Variants in GMDS observed in about 807,000 individuals in gnomAD.
GMDS encodes the protein GDP-mannose 4,6 dehydratase.
Under a neutral mutation model 49.9 loss-of-function variants are expected in GMDS, and 20 were observed. That is an observed-to-expected ratio of 0.40 (90% CI 0.28 to 0.58). GMDS has a LOEUF of 0.58. Ranked by LOEUF, GMDS falls within the 20% of genes least tolerant of loss-of-function variation. The pLI, the probability that GMDS is intolerant of heterozygous loss-of-function variation, is 0.42. For missense variants in GMDS, 362 were observed against 481.4 expected (o/e 0.75, Z 2.32); for synonymous variants, 177 against 178.6 (o/e 0.99, Z 0.07).
intron 1 of GMDS, among the ~76,000 whole-genome samples, chr6:2,190,703 C>A (rs965465909): frequency 2.0e-5 from 3 of 152,230 alleles, no homozygotes; most frequent in Non-Finnish European, 2.9e-5. Context: ...TGGCACCATC[C>A]TCCACTTGGC....
At chr6:2,166,566 C>G (rs1777681084) in intron 1 of GMDS, among the ~76,000 whole-genome samples, 1 of 152,200 alleles carries the variant, frequency 6.6e-6, no homozygotes, top group African/African-American at 2.4e-5. Context: ...ATTCATACTA[C>G]TCCTCACAAT....
chr6:1,927,016 C>G (rs113410600), intron 7 of GMDS, among the ~76,000 whole-genome samples: 1 of 100,628 alleles, frequency 9.9e-6, no homozygotes, highest in Non-Finnish European at 2.3e-5. Context: ...CAGAGGGTAG[C>G]GTGTTGATGT....
chr6:2,100,715 TA>T (rs1340140637), intron 4 of GMDS, among the ~76,000 whole-genome samples: 1 of 151,892 alleles, frequency 6.6e-6, no homozygotes, highest in Non-Finnish European at 1.5e-5. Context: ...GAGCTAATGT[TA>T]AAAAAACTCA....
At chr6:1,652,399 T>A (rs1239764118) in intron 9 of GMDS, among the ~76,000 whole-genome samples, 1 of 4,970 alleles carries the variant, frequency 2.0e-4, no homozygotes, top group Non-Finnish European at 4.8e-4. Context: ...ATATTATATA[T>A]ATATATATAT....
In GMDS at chr6:2,113,679, T is replaced by A. The variant is rs150146096; in HGVS notation, c.345+2092A>T. Among the ~76,000 whole-genome samples the A allele has an allele frequency of 9.2e-5, 14 of 152,098 alleles. No homozygotes were observed. In the East Asian group the frequency reaches 2.3e-3, roughly 25 times the overall value. On this transcript the variant is annotated intron_variant, in intron 4 of 10. Transcript: ENST00000380815. ...CTATCCATCTACCCCCAGACGGAAG[T>A]TCTCTCTTACCCTCCTCTAAAGAGT... is the stretch of plus-strand genomic sequence containing the variant.
At chr6:1,772,559 G>A (rs996498341) in intron 7 of GMDS, among the ~76,000 whole-genome samples, 1 of 152,210 alleles carries the variant, frequency 6.6e-6, no homozygotes. Context: ...CAGAGATGCA[G>A]AGGTCATCCA....
chr6:1,773,397 T>C (rs1300786907), intron 7 of GMDS, among the ~76,000 whole-genome samples: 1 of 152,062 alleles, frequency 6.6e-6, no homozygotes, highest in Non-Finnish European at 1.5e-5. Context: ...TGTTTAGCGC[T>C]CAGCAATGTT....
chr6:2,060,958 T>C (rs1041143162), intron 4 of GMDS, among the ~76,000 whole-genome samples: 2 of 151,142 alleles, frequency 1.3e-5, no homozygotes, highest in Non-Finnish European at 2.9e-5. Context: ...ACATGGAGGT[T>C]GCGGTGAGCC....
intron 4 of GMDS, among the ~76,000 whole-genome samples, chr6:1,967,603 G>A (rs1042646964): frequency 1.3e-5 from 2 of 152,208 alleles, no homozygotes; most frequent in African/African-American, 2.4e-5. Context: ...AGAACTCAGA[G>A]TGCAGAAGAA....
chr6:1,770,458 A>C (rs1480108834), intron 7 of GMDS, among the ~76,000 whole-genome samples: 1 of 152,230 alleles, frequency 6.6e-6, no homozygotes, highest in African/African-American at 2.4e-5. Context: ...CGTGGAGCAC[A>C]CATAGGGTGA....
intron 4 of GMDS, among the ~76,000 whole-genome samples, chr6:2,029,367 C>T (rs974099216): frequency 1.3e-5 from 2 of 152,188 alleles, no homozygotes; most frequent in Admixed American, 1.3e-4. Context: ...TCTGACTCCC[C>T]TCAAATTCCT....
chr6:2,168,988 T>C (rs1777807006), intron 1 of GMDS, among the ~76,000 whole-genome samples: 1 of 152,218 alleles, frequency 6.6e-6, no homozygotes, highest in Non-Finnish European at 1.5e-5. Context: ...TACTGAAAGT[T>C]TAAAGTCATA....
At chr6:1,817,505 ATATC>A (rs1219927656) in intron 7 of GMDS, among the ~76,000 whole-genome samples, 2 of 152,240 alleles carry the variant, frequency 1.3e-5, no homozygotes, top group African/African-American at 4.8e-5. Context: ...AGTGATATAA[ATATC>A]TAGGAATATA....
intron 7 of GMDS, among the ~76,000 whole-genome samples, chr6:1,773,771 AG>A: frequency 6.6e-6 from 1 of 152,338 alleles, no homozygotes; most frequent in East Asian, 1.9e-4. Context: ...CAAGAAGGAA[AG>A]AGTTAATCAA....
chr6:1,625,579 C>T (rs1217290647), intron 9 of GMDS: 1 of 152,264 alleles, frequency 6.6e-6, no homozygotes, highest in African/African-American at 2.4e-5. Flanking sequence ...CGGAGAAGAA[C>T]TTAATCCTGC....
intron 7 of GMDS, among the ~76,000 whole-genome samples, chr6:1,753,836 A>G (rs540335321): frequency 2.4e-4 from 36 of 152,190 alleles, no homozygotes; most frequent in South Asian, 1.4e-3. Context: ...TGAAACCAAC[A>G]AGAACAAAGA....
chr6:1,811,285 C>A (rs187337576), intron 7 of GMDS, among the ~76,000 whole-genome samples: 4 of 152,236 alleles, frequency 2.6e-5, no homozygotes, highest in Admixed American at 1.3e-4. Flanking sequence ...CTCTTGCGAT[C>A]TTTTCTAATA....
chr6:2,112,359 G>C (rs552765694), intron 4 of GMDS, among the ~76,000 whole-genome samples: 2 of 152,134 alleles, frequency 1.3e-5, no homozygotes, highest in Admixed American at 6.5e-5. Flanking sequence ...TATATTAAAG[G>C]CAAAGGTCTA....
intron 1 of GMDS, among the ~76,000 whole-genome samples, chr6:2,139,462 C>T (rs1776175308): frequency 1.3e-5 from 2 of 152,316 alleles, no homozygotes; most frequent in South Asian, 4.1e-4. Context: ...TCCAGTTCCT[C>T]GGGTACGCTA....
Sources: gnomAD v4.1 joint callset for allele counts (sites outside exome capture counted in the v4.1 genomes callset) on GRCh38, gnomAD v4.1.1 for gene constraint, MANE v1.5 for transcripts, NCBI Gene and HGNC (gene_info 2026-07-23, HGNC 2026-07-21) for gene names.